PPP1R9B: variants seen among roughly 807,000 people sequenced by gnomAD.
PPP1R9B encodes neurabin-2.
In PPP1R9B, 17 loss-of-function variants were observed where a neutral mutation model predicts 75.8. The observed-to-expected ratio is 0.22, with a 90% CI of 0.15 to 0.34. PPP1R9B has a LOEUF of 0.34. Among genes scored for constraint, PPP1R9B ranks in the 10% least tolerant of loss-of-function variants. PPP1R9B has a pLI of 1.00. For missense variants in PPP1R9B, 875 were observed against 1,196.0 expected, an observed-to-expected ratio of 0.73 and a Z score of 3.96; for synonymous variants, 509 against 535.4, an observed-to-expected ratio of 0.95 and a Z score of 0.68.
At chr17:50,136,238 C>G in intron 7 of PPP1R9B, 41 bp from the exon 8 acceptor site, 1 of 1,552,880 alleles carries the variant, frequency 6.4e-7, no homozygotes, top group Non-Finnish European at 8.7e-7. Flanking sequence ...TGGGGGCCAG[C>G]AGGAGCCAAA....
In PPP1R9B at chr17:50,150,267, C is replaced by A; in HGVS notation, c.247G>T (p.Ala83Ser). 6.9e-7 allele frequency: 1 copy of A among 1,439,128 alleles called. No individual in the cohort carries two copies. Among genetic ancestry groups the A allele is most frequent in the South Asian group, 1.4e-5 (1 of 71,534 alleles). 89.1% of individuals were successfully genotyped at this position (1,439,128 alleles called of 1,614,324 possible). ...ACGCCGCGCTCGGACGCCCGTGGGG[C>A]CTCGGCCAGGCCCGCGCCGCCGCCC... is the stretch of plus-strand genomic sequence containing the variant. ...EAGGGAGLAE[A>S]PRASERGVRL... Residue 83 changes from alanine to serine, a missense_variant, in exon 1 of 10, where the codon GCC becomes TCC. Transcript: ENST00000612501. This position sits in a 1 kb window ranked among gnomAD's most constrained non-coding sequence, Gnocchi z 8.7.
In PPP1R9B at chr17:50,136,043, T is replaced by C; in HGVS notation, c.2228A>G (p.Glu743Gly). The C allele has an allele frequency of 6.2e-7, 1 of 1,611,388 alleles. No individual in the cohort carries two copies. Residue 743 changes from glutamate (E) to glycine (G), a missense_variant, in exon 8 of 10, where the codon GAG becomes GGG. By Grantham distance (98) the Glu-to-Gly change is moderately conservative. Transcript: ENST00000612501. ...LCQAVDEHLR[E>G]TQAQYQALER... ...CAGGGCCTGGTACTGCGCCTGAGTC[T>C]CCCGCAGGTGCTCGTCCACAGCCTG...
At chr17:50,140,059 C>A (rs757166534) in intron 5 of PPP1R9B, 34 bp downstream of exon 5, 5 of 1,606,836 alleles carry the variant, frequency 3.1e-6, no homozygotes, top group Middle Eastern at 1.7e-4. Flanking sequence ...CACCAGGGGG[C>A]GACCACGCGG....
chr17:50,145,037 G>A (rs1173993890), intron 2 of PPP1R9B, 76 bp downstream of exon 2: 3 of 1,544,896 alleles, frequency 1.9e-6, no homozygotes, highest in Admixed American at 3.7e-5. Flanking sequence ...AGGGCACAGG[G>A]CAGGAGCTGG....
Position 50,139,190 on chromosome 17 carries a change from G to T in PPP1R9B, c.2073+73C>A. 6.5e-7 allele frequency: 1 copy of T among 1,546,088 alleles called. No homozygotes were observed. Among genetic ancestry groups the T allele is most frequent in the Non-Finnish European group, 8.9e-7 (1 of 1,118,152 alleles). On this transcript the variant is annotated intron_variant, in intron 7 of 9. Coordinates refer to ENST00000612501, the MANE Select transcript of PPP1R9B (RefSeq NM_032595.5). The surrounding 1 kb of genome is among the most constrained non-coding windows in gnomAD (Gnocchi z 5.0). ...TGCCTAAGTGTCAGCATGTGCAGGTGTGAGGGTAGGGGGACCCTGCTCCTC... is the reference window on the plus strand; with the variant it reads ...TGCCTAAGTGTCAGCATGTGCAGGTTTGAGGGTAGGGGGACCCTGCTCCTC...
chr17:50,134,249 G>C lies in PPP1R9B; in HGVS notation c.*1082C>G, dbSNP rs1407573053. The C allele has an allele frequency of 1.1e-4, 17 of 152,626 alleles. No individual in the cohort carries two copies. The highest frequency in any genetic ancestry group is 1.1e-3 in the Admixed American group (17 of 15,286). 9.5% of individuals were successfully genotyped at this position (152,626 alleles called of 1,614,324 possible). A position where few individuals can be genotyped will look rare whatever the true frequency, so the allele number is the denominator to read the frequency against. The stretch of plus-strand genomic sequence containing the variant: ...GTCGATTTCACTTAGAAGGCAGGCT[G>C]CCAGCAGGGCAGCCCTGGTCTCCAA... On this transcript the variant is annotated 3_prime_UTR_variant, in exon 10 of 10. Coordinates refer to ENST00000612501, the MANE Select transcript of PPP1R9B (RefSeq NM_032595.5).
At chr17:50,136,258 C>T in intron 7 of PPP1R9B, 61 bp from the exon 8 acceptor site, 1 of 1,419,974 alleles carries the variant, frequency 7.0e-7, no homozygotes. Flanking sequence ...AGGGTACCCC[C>T]ATCCTAGCAC....
chr17:50,145,374 C>T, intron 1 of PPP1R9B, 129 bp from the exon 2 acceptor site: 1 of 1,179,412 alleles, frequency 8.5e-7, no homozygotes, highest in Non-Finnish European at 1.2e-6. Flanking sequence ...GATGAGGCCT[C>T]ACCCAGTCCC....
chr17:50,141,041 G>C lies in PPP1R9B; in HGVS notation c.1730+228C>G, dbSNP rs549761391. Among the ~76,000 whole-genome samples, 3 of 152,288 alleles carry C rather than the reference G, an allele frequency of 2.0e-5. No homozygotes were observed. The South Asian group carries it at 6.2e-4, about 32-fold the overall frequency. On this transcript the variant is annotated intron_variant, in intron 4 of 9. Transcript: ENST00000612501. ...ACAGTTTGGAGGGCTGGTGGACAGT[G>C]GGCCAGGAAGGCTGAGTACTGGTGG...
At chr17:50,140,405 T>G (rs1912344468) in intron 4 of PPP1R9B, 177 bp from the exon 5 acceptor site, 1 of 852,772 alleles carries the variant, frequency 1.2e-6, no homozygotes, top group Non-Finnish European at 1.8e-6. Context: ...CTTATCAGGT[T>G]TCCTTCCCAA....
rs772699894 is a variant in PPP1R9B at position 50,136,137 on chromosome 17, T to A, written c.2134A>T (p.Ser712Cys). 7.5e-6 allele frequency: 12 copies of A among 1,606,764 alleles called. No individual in the cohort carries two copies. The highest frequency in any genetic ancestry group is 1.0e-5 in the Non-Finnish European group (12 of 1,179,814). Residue 712 changes from serine (S) to cysteine (C), a missense_variant, in exon 8 of 10, where the codon AGT (serine) becomes TGT (cysteine). By Grantham distance (112) the Ser-to-Cys change is moderately radical (BLOSUM62 -1). Transcript: ENST00000612501. The stretch of plus-strand genomic sequence containing the variant: ...ATGCGCTCCTTGTTCTCCTCCACAC[T>A]CTGCTCCAACTGCGCCTTCTCCACC... ...WRVEKAQLEQ[S>C]VEENKERMEK...
intron 4 of PPP1R9B, among the ~76,000 whole-genome samples, 156 bp downstream of exon 4, chr17:50,141,113 G>A (rs930343656): frequency 6.6e-6 from 1 of 152,110 alleles, no homozygotes; most frequent in Non-Finnish European, 1.5e-5. Context: ...TGTGAGGCGA[G>A]GGACTCCAGG....
In PPP1R9B at chr17:50,139,644, A is replaced by G; in HGVS notation, c.1867-63T>C. 1.3e-6 allele frequency: 2 copies of G among 1,503,060 alleles called. No homozygotes were observed. Among genetic ancestry groups the G allele is most frequent in the Non-Finnish European group, 1.8e-6 (2 of 1,125,390 alleles). The allele number at this position is 1,503,060 out of a possible 1,614,324, so 93.1% of individuals were successfully genotyped here. ...CCAGCTGCCCTCAGCCCTGATGACC[A>G]GGGCTGGGACCAGTTGCCCATGCCA... On this transcript the variant is annotated intron_variant, in intron 5 of 9. Transcript: ENST00000612501. The surrounding 1 kb of genome is among the most constrained non-coding windows in gnomAD (Gnocchi z 5.0).
At position 50,139,290 on chromosome 17, in the gene PPP1R9B, C is replaced by T. The variant is rs973083993; in HGVS notation, c.2046G>A (p.Glu682=). ...TTCTTTTCAGCTGCTGGATCTCTGC[C>T]TCAGTGACCGCATGCTTGATCTGGA... is the stretch of plus-strand genomic sequence containing the variant. The part of the protein sequence containing the change: ...KELQIKHAVT[E]AEIQQLKRKL... Residue 682 remains glutamate (E), a synonymous_variant, in exon 7 of 10, where the codon GAG becomes GAA. Transcript: ENST00000612501. This position sits in a 1 kb window ranked among gnomAD's most constrained non-coding sequence, Gnocchi z 5.0. 6.2e-7 allele frequency: 1 copy of T among 1,614,060 alleles called. No individual in the cohort carries two copies. Among genetic ancestry groups the T allele is most frequent in the African/African-American group, 1.3e-5 (1 of 75,068 alleles).
chr17:50,140,547 C>A (rs1912348748), intron 4 of PPP1R9B, among the ~76,000 whole-genome samples: 2 of 152,094 alleles, frequency 1.3e-5, no homozygotes, highest in African/African-American at 4.8e-5. Context: ...GAAAATGAGG[C>A]AGGGAAAGGT....
chr17:50,149,913 CGTCCAGCTT>C lies in PPP1R9B; in HGVS notation c.592_600del (p.Lys198_Asp200del). 1 of 1,508,676 alleles carries C rather than the reference CGTCCAGCTT, an allele frequency of 6.6e-7. No homozygotes were observed. The highest frequency in any genetic ancestry group is 2.8e-5 in the East Asian group (1 of 36,070). 93.5% of individuals were successfully genotyped at this position (1,508,676 alleles called of 1,614,324 possible). A position where few individuals can be genotyped will look rare whatever the true frequency, so the allele number is the denominator to read the frequency against. On this transcript the variant is annotated inframe_deletion, in exon 1 of 10. Coordinates refer to ENST00000612501, the MANE Select transcript of PPP1R9B (RefSeq NM_032595.5). This position sits in a 1 kb window ranked among gnomAD's most constrained non-coding sequence, Gnocchi z 7.2. ...CTGACCGTGGGGGACACGGCGTCAG[CGTCCAGCTT>C]GTCCAGCGCCTCGGTGCTGCCGTTG...
At position 50,142,151 on chromosome 17, in the gene PPP1R9B, C is replaced by T. The variant is rs1484438795; in HGVS notation, c.1626-778G>A. Among the ~76,000 whole-genome samples, 1 of 152,150 alleles carries T rather than the reference C, an allele frequency of 6.6e-6. No individual in the cohort carries two copies. Among genetic ancestry groups the T allele is most frequent in the Admixed American group, 6.5e-5 (1 of 15,280 alleles). ...CTGCCGACACACTCCAGTTGTGTCCCCTGAAGCCCGTGTTCTCCATACAAG... is the reference window on the plus strand; with the variant it reads ...CTGCCGACACACTCCAGTTGTGTCCTCTGAAGCCCGTGTTCTCCATACAAG... On this transcript the variant is annotated intron_variant, in intron 3 of 9. Coordinates refer to ENST00000612501, the MANE Select transcript of PPP1R9B (RefSeq NM_032595.5). The surrounding 1 kb of genome is among the most constrained non-coding windows in gnomAD (Gnocchi z 4.1).
At position 50,149,683 on chromosome 17, in the gene PPP1R9B, C is replaced by T. The variant is rs1308111266; in HGVS notation, c.831G>A (p.Gln277=). ...CAGGGGCCACTCGGTGCTGCGGGGG[C>T]TGCTGCCCTGCGGGGCATCGCTCTT... The part of the protein sequence containing the change: ...AEKERCPAGQ[Q]PPQHRVAPAR... Residue 277 remains glutamine (Q), a synonymous_variant, in exon 1 of 10, where the codon CAG becomes CAA. Coordinates refer to ENST00000612501, the MANE Select transcript of PPP1R9B (RefSeq NM_032595.5). This position sits in a 1 kb window ranked among gnomAD's most constrained non-coding sequence, Gnocchi z 7.2. 6.2e-6 allele frequency: 9 copies of T among 1,457,280 alleles called. No individual in the cohort carries two copies. Among genetic ancestry groups the T allele is most frequent in the Non-Finnish European group, 8.1e-6 (9 of 1,110,728 alleles). 90.3% of individuals were successfully genotyped at this position (1,457,280 alleles called of 1,614,324 possible).
rs748493627 is a variant in PPP1R9B at position 50,135,417 on chromosome 17, T to C, written c.2401-33A>G. Reference sequence around the variant, plus strand: ...ACAAAGGAGGGTAGGGGGTCAGGTCTGGACACCAGGCATGATCCCAGCCCC... The same window carrying C: ...ACAAAGGAGGGTAGGGGGTCAGGTCCGGACACCAGGCATGATCCCAGCCCC... On this transcript the variant is annotated intron_variant, in intron 9 of 9. Coordinates refer to ENST00000612501, the MANE Select transcript of PPP1R9B (RefSeq NM_032595.5). The C allele has an allele frequency of 7.5e-6, 12 of 1,609,520 alleles. No individual in the cohort carries two copies. The Admixed American group carries it at 2.0e-4, about 27-fold the overall frequency.
Sources: allele counts gnomAD v4.1 joint callset (sites outside exome capture counted in the v4.1 genomes callset), GRCh38; gene constraint gnomAD v4.1.1; non-coding constraint Gnocchi (gnomAD v3.1); transcripts MANE v1.5; gene names NCBI Gene and HGNC (gene_info 2026-07-23, HGNC 2026-07-21).